The following WASL variants were observed in gnomAD, a reference collection of about 807,000 sequenced individuals.
WASL encodes actin nucleation-promoting factor WASL.
Under a neutral mutation model 55.5 loss-of-function variants are expected in WASL, and 20 were observed. The observed-to-expected ratio is 0.36, with a 90% CI of 0.25 to 0.52. WASL has a LOEUF of 0.52. WASL is among the 20% of genes least tolerant of loss of function. The pLI, the probability that WASL is intolerant of heterozygous loss-of-function variation, is 0.92. For missense variants in WASL, 504 were observed against 622.5 expected (o/e 0.81, Z 2.03); for synonymous variants, 249 against 217.6 (o/e 1.14, Z -1.27).
chr7:123,716,818 C>T (rs887373984), intron 1 of WASL, among the ~76,000 whole-genome samples: 1 of 152,044 alleles, frequency 6.6e-6, no homozygotes, highest in Non-Finnish European at 1.5e-5. Context: ...ATGCTAGAGC[C>T]AAATAGCACT....
chr7:123,719,016 T>G (rs967582562), intron 1 of WASL, among the ~76,000 whole-genome samples: 2 of 152,226 alleles, frequency 1.3e-5, no homozygotes, highest in African/African-American at 2.4e-5. Context: ...TTCTGTGTAG[T>G]GGCAGCAACA....
In WASL at chr7:123,692,401, G is replaced by A; in HGVS notation, c.1293C>T (p.Cys431=). The part of the protein sequence containing the change: ...KVEQNSRPVS[C]SGRDALLDQI... ...GGTCTAACAGTGCATCTCGTCCAGAGCAGGACACTGGCCGACTGTTCTGCT... is the reference window on the plus strand; with the variant it reads ...GGTCTAACAGTGCATCTCGTCCAGAACAGGACACTGGCCGACTGTTCTGCT... The change falls in exon 9 of 11, where the codon TGC becomes TGT. Residue 431 remains cysteine (C), a synonymous_variant. Coordinates refer to ENST00000223023, the MANE Select transcript of WASL (RefSeq NM_003941.4). 2.5e-6 allele frequency: 4 copies of A among 1,613,738 alleles called. No individual in the cohort carries two copies. Among genetic ancestry groups the A allele is most frequent in the Non-Finnish European group, 3.4e-6 (4 of 1,180,006 alleles).
At chr7:123,695,186 C>A (rs1420680868) in intron 7 of WASL, among the ~76,000 whole-genome samples, 1 of 151,950 alleles carries the variant, frequency 6.6e-6, no homozygotes, top group East Asian at 1.9e-4. Flanking sequence ...GGAATAAACA[C>A]AAAAAAAGTA....
At chr7:123,685,613 G>C (rs1353744081) in intron 10 of WASL, among the ~76,000 whole-genome samples, 2 of 151,562 alleles carry the variant, frequency 1.3e-5, no homozygotes, top group Admixed American at 6.6e-5. Flanking sequence ...TAAAATTATT[G>C]TACTTTATCT....
chr7:123,733,098 T>C (rs1218293911), intron 1 of WASL, among the ~76,000 whole-genome samples: 1 of 152,146 alleles, frequency 6.6e-6, no homozygotes, highest in Non-Finnish European at 1.5e-5. Flanking sequence ...CCCCTAATAC[T>C]GGGAACAAAG....
At chr7:123,708,360 C>T (rs1361776533) in intron 2 of WASL, among the ~76,000 whole-genome samples, 1 of 152,022 alleles carries the variant, frequency 6.6e-6, no homozygotes, top group Non-Finnish European at 1.5e-5. Flanking sequence ...TATTAGCGCC[C>T]AAGAGTTTAA....
Position 123,692,815 on chromosome 7 carries a change from A to AGGG in WASL, c.876_878dup (p.Pro294dup). 1 of 1,407,326 alleles carries AGGG rather than the reference A, an allele frequency of 7.1e-7. No individual in the cohort carries two copies. Among genetic ancestry groups the AGGG allele is most frequent in the East Asian group, 2.5e-5 (1 of 39,292 alleles). The allele number at this position is 1,407,326 out of a possible 1,614,324, so 87.2% of individuals were successfully genotyped here. A position where few individuals can be genotyped will look rare whatever the true frequency, so the allele number is the denominator to read the frequency against. ...GAGGAGGAGGACCTGAGTTGTGTGG[A>AGGG]GGGGGAGGAGGAGGAGGTGGCCCTC... On this transcript the variant is annotated inframe_insertion, in exon 9 of 11. Coordinates refer to ENST00000223023, the MANE Select transcript of WASL (RefSeq NM_003941.4).
chr7:123,713,320 T>C (rs1048775872), intron 1 of WASL, among the ~76,000 whole-genome samples: 1 of 152,014 alleles, frequency 6.6e-6, no homozygotes. Context: ...GACGGGCTAA[T>C]TTTCTAATTT....
chr7:123,690,014 A>T (rs1453804918), intron 9 of WASL, among the ~76,000 whole-genome samples: 2 of 152,274 alleles, frequency 1.3e-5, no homozygotes, highest in East Asian at 3.9e-4. Flanking sequence ...TCCCCCTAAG[A>T]TATAGATTCA....
chr7:123,693,186 T>C (rs926812369), intron 8 of WASL, among the ~76,000 whole-genome samples: 4 of 152,168 alleles, frequency 2.6e-5, no homozygotes, highest in African/African-American at 9.6e-5. Context: ...AATAACAAAA[T>C]ATACCAATGA....
chr7:123,739,598 G>A (rs1347252327), intron 1 of WASL, among the ~76,000 whole-genome samples: 1 of 152,148 alleles, frequency 6.6e-6, no homozygotes, highest in Non-Finnish European at 1.5e-5. Context: ...CCCAACTGTA[G>A]GTTATTGTAA....
intron 1 of WASL, among the ~76,000 whole-genome samples, chr7:123,733,088 C>T (rs189132387): frequency 3.2e-4 from 48 of 152,278 alleles, no homozygotes; most frequent in Non-Finnish European, 6.3e-4. Flanking sequence ...GACTGTTCCT[C>T]CCCTAATACT....
At position 123,692,682 on chromosome 7, in the gene WASL, G is replaced by C; in HGVS notation, c.1012C>G (p.Pro338Ala). 6.5e-7 allele frequency: 1 copy of C among 1,535,378 alleles called. No individual in the cohort carries two copies. Among genetic ancestry groups the C allele is most frequent in the Non-Finnish European group, 8.7e-7 (1 of 1,144,614 alleles). ...SRPSVAVPPPPPNRMYPPPPP... is the reference protein window; with the variant it reads ...SRPSVAVPPPAPNRMYPPPPP... ...GGAGGAGGGTACATCCTATTTGGCG[G>C]TGGTGGAGGGACTGCTACACTTGGC... Residue 338 changes from proline (P) to alanine (A), a missense_variant, in exon 9 of 11, where the codon CCG (proline) becomes GCG (alanine). Physicochemically the swap from Pro to Ala is conservative, Grantham distance 27 (BLOSUM62 -1). This residue lies in a region of WASL where 201 missense variants were observed against 206.2 expected (regional missense o/e 0.97). Coordinates refer to ENST00000223023, the MANE Select transcript of WASL (RefSeq NM_003941.4).
chr7:123,698,127 A>G (rs1317613939), intron 5 of WASL, among the ~76,000 whole-genome samples: 1 of 151,418 alleles, frequency 6.6e-6, no homozygotes, highest in Non-Finnish European at 1.5e-5. Flanking sequence ...ATGTGTTTTC[A>G]CTGTAATAAA....
chr7:123,741,514 G>C (rs1021098923), intron 1 of WASL, among the ~76,000 whole-genome samples: 7 of 152,106 alleles, frequency 4.6e-5, no homozygotes, highest in Non-Finnish European at 8.8e-5. Context: ...AGAACCTTTA[G>C]AGTAAGAGTG....
In WASL at chr7:123,684,291, T is replaced by C. The variant is rs1435663509; in HGVS notation, c.*228A>G. 4 of 207,684 alleles carry C rather than the reference T, an allele frequency of 1.9e-5. No homozygotes were observed. Among genetic ancestry groups the C allele is most frequent in the Non-Finnish European group, 3.8e-5 (4 of 104,608 alleles). The allele number at this position is 207,684 out of a possible 1,614,324, so 12.9% of individuals were successfully genotyped here. ...AAAATATTCACAAATCAAGTGAGCA[T>C]CCTGGTGTAAACTTGCACACAATAA... On this transcript the variant is annotated 3_prime_UTR_variant, in exon 11 of 11. Coordinates refer to ENST00000223023, the MANE Select transcript of WASL (RefSeq NM_003941.4).
intron 1 of WASL, among the ~76,000 whole-genome samples, chr7:123,733,336 C>G (rs1202455305): frequency 1.3e-5 from 2 of 152,112 alleles, no homozygotes; most frequent in African/African-American, 4.8e-5. Flanking sequence ...GGTTAATATG[C>G]AAAGTCAACT....
chr7:123,696,681 C>T lies in WASL; in HGVS notation c.527G>A (p.Gly176Asp). ...NPEITTNRFY[G>D]PQVNNISHTK... ...ATGGGAGATGTTGTTGACTTGTGGA[C>T]CATAAAATCTATTTGTTGTGATTTC... Residue 176 changes from glycine (G) to aspartate (D), a missense_variant, in exon 6 of 11, where the codon GGT becomes GAT. Gly to Asp is a moderately conservative substitution (Grantham distance 94). Transcript: ENST00000223023. The T allele has an allele frequency of 6.2e-7, 1 of 1,602,824 alleles. No individual in the cohort carries two copies. The highest frequency in any genetic ancestry group is 8.5e-7 in the Non-Finnish European group (1 of 1,174,464).
At chr7:123,748,567 C>T in intron 1 of WASL, 51 bp downstream of exon 1, 2 of 1,590,286 alleles carry the variant, frequency 1.3e-6, no homozygotes, top group Non-Finnish European at 8.6e-7. Context: ...CCCCCAAGCC[C>T]GGGCCCGTGA....
Sources: allele counts gnomAD v4.1 joint callset (sites outside exome capture counted in the v4.1 genomes callset), GRCh38; gene constraint gnomAD v4.1.1; regional missense constraint gnomAD v4.1.1; transcripts MANE v1.5; gene names NCBI Gene and HGNC (gene_info 2026-07-23, HGNC 2026-07-21).